Variants in KIF26B observed in about 807,000 individuals in gnomAD.
KIF26B encodes the protein kinesin-like protein KIF26B.
Under a neutral mutation model 151.2 loss-of-function variants are expected in KIF26B, and 63 were observed. That is an observed-to-expected ratio of 0.42 (90% CI 0.34 to 0.51). KIF26B has a LOEUF of 0.51. KIF26B is among the 20% of genes least tolerant of loss of function. KIF26B has a pLI of 0.07. For missense variants in KIF26B, 2,813 were observed against 2,913.6 expected (o/e 0.97, Z 0.79); for synonymous variants, 1,357 against 1,262.1 (o/e 1.08, Z -1.59).
chr1:245,677,830 C>T (rs547017647), intron 10 of KIF26B, among the ~76,000 whole-genome samples: 181 of 152,340 alleles, frequency 1.2e-3, no homozygotes, highest in Middle Eastern at 3.4e-3. Flanking sequence ...TTCAGTCTGG[C>T]GCAACTCAAC....
intron 2 of KIF26B, among the ~76,000 whole-genome samples, chr1:245,274,263 T>A (rs1670901760): frequency 6.6e-6 from 1 of 152,184 alleles, no homozygotes; most frequent in Admixed American, 6.5e-5. Context: ...CTGGGATACA[T>A]GTGCAGAACC....
At chr1:245,251,745 A>G (rs754075254) in intron 2 of KIF26B, among the ~76,000 whole-genome samples, 1 of 152,152 alleles carries the variant, frequency 6.6e-6, no homozygotes, top group Non-Finnish European at 1.5e-5. Context: ...TGTGTTATCT[A>G]TCTCTGAACT....
Position 245,698,153 on chromosome 1 carries a change from T to C in KIF26B, c.5872T>C (p.Ser1958Pro), listed in dbSNP as rs1379264893. Reference sequence around the variant, plus strand: ...CCCAGCACTATCCCTGGACACCTCTTCCCCTGTGAGAAAACCCCCCAACAG... The same window carrying C: ...CCCAGCACTATCCCTGGACACCTCTCCCCCTGTGAGAAAACCCCCCAACAG... ...LIPALSLDTS[S>P]PVRKPPNSTG... Residue 1958 changes from serine to proline, a missense_variant, in exon 13 of 15, where the codon TCC (serine) becomes CCC (proline). By Grantham distance (74) the Ser-to-Pro change is moderately conservative. Transcript: ENST00000407071. This position sits in a 1 kb window ranked among gnomAD's most constrained non-coding sequence, Gnocchi z 4.0. 2 of 1,613,956 alleles carry C rather than the reference T, an allele frequency of 1.2e-6. No homozygotes were observed. Among genetic ancestry groups the C allele is most frequent in the South Asian group, 2.2e-5 (2 of 91,076 alleles).
At chr1:245,366,351 T>A (rs1269044354) in intron 2 of KIF26B, among the ~76,000 whole-genome samples, 1 of 151,912 alleles carries the variant, frequency 6.6e-6, no homozygotes, top group East Asian at 1.9e-4. Context: ...TCTAACACAG[T>A]GAAACCCCAT....
intron 2 of KIF26B, among the ~76,000 whole-genome samples, chr1:245,219,460 C>T (rs182437029): frequency 6.6e-5 from 10 of 152,080 alleles, no homozygotes; most frequent in South Asian, 4.2e-4. Context: ...CAGCTAGGCG[C>T]GGTAGCTCAT....
intron 5 of KIF26B, among the ~76,000 whole-genome samples, chr1:245,550,861 T>A (rs1661865455): frequency 6.6e-6 from 1 of 152,140 alleles, no homozygotes; most frequent in Admixed American, 6.5e-5. Context: ...ACTCTCAGGT[T>A]TCTACAGGAA....
intron 4 of KIF26B, among the ~76,000 whole-genome samples, chr1:245,434,677 G>A (rs142310381): frequency 6.6e-6 from 1 of 152,138 alleles, no homozygotes; most frequent in South Asian, 2.1e-4. Flanking sequence ...GGTAAGACTG[G>A]CAGGAGTTGG....
rs1357793150 is a variant in KIF26B, at chr1:245,702,693, C to CAAAG, written c.*89_*92dup. 1 of 1,400,382 alleles carries CAAAG rather than the reference C, an allele frequency of 7.1e-7. No individual in the cohort carries two copies. Among genetic ancestry groups the CAAAG allele is most frequent in the Non-Finnish European group, 9.6e-7 (1 of 1,037,442 alleles). The allele number at this position is 1,400,382 out of a possible 1,614,324, so 86.7% of individuals were successfully genotyped here. A position where few individuals can be genotyped will look rare whatever the true frequency, so the allele number is the denominator to read the frequency against. ...CCCTAGGCCCTCTGTGCTGGGGCATCAAAGACAATGAATGAGGATGAAGGT... is the reference window on the plus strand; with the variant it reads ...CCCTAGGCCCTCTGTGCTGGGGCATCAAAGAAAGACAATGAATGAGGATGAAGGT... On this transcript the variant is annotated 3_prime_UTR_variant, in exon 15 of 15. Coordinates refer to ENST00000407071, the MANE Select transcript of KIF26B (RefSeq NM_018012.4). The surrounding 1 kb of genome is among the most constrained non-coding windows in gnomAD (Gnocchi z 4.1).
At chr1:245,238,671 C>T (rs1230847343) in intron 2 of KIF26B, among the ~76,000 whole-genome samples, 1 of 151,800 alleles carries the variant, frequency 6.6e-6, no homozygotes, top group Non-Finnish European at 1.5e-5. Flanking sequence ...GACCAGCCTG[C>T]CCAACATGGC....
At chr1:245,444,624 C>T (rs1209166078) in intron 4 of KIF26B, among the ~76,000 whole-genome samples, 5 of 152,192 alleles carry the variant, frequency 3.3e-5, no homozygotes, top group Non-Finnish European at 7.3e-5. Context: ...TGATGAGCCA[C>T]CTTCAAACCA....
At chr1:245,691,380 G>C (rs1426715928) in intron 12 of KIF26B, among the ~76,000 whole-genome samples, 1 of 152,200 alleles carries the variant, frequency 6.6e-6, no homozygotes, top group Non-Finnish European at 1.5e-5. Context: ...AAAATGCCAG[G>C]GCAGGTGCTA....
At chr1:245,529,645 C>T (rs1019886949) in intron 4 of KIF26B, among the ~76,000 whole-genome samples, 2 of 152,154 alleles carry the variant, frequency 1.3e-5, no homozygotes, top group African/African-American at 2.4e-5. Context: ...AGCAAACATT[C>T]GTAGTTACTT....
intron 4 of KIF26B, among the ~76,000 whole-genome samples, chr1:245,445,223 A>G (rs1659219852): frequency 6.6e-6 from 1 of 152,204 alleles, no homozygotes; most frequent in African/African-American, 2.4e-5. Flanking sequence ...CATGGTCATC[A>G]TGAATTATAG....
At chr1:245,663,934 G>A (rs2044184735) in intron 10 of KIF26B, among the ~76,000 whole-genome samples, 1 of 152,200 alleles carries the variant, frequency 6.6e-6, no homozygotes, top group African/African-American at 2.4e-5. Context: ...GTGTTACCTG[G>A]CTGGGCAGAT....
intron 2 of KIF26B, among the ~76,000 whole-genome samples, chr1:245,261,453 T>G (rs907579949): frequency 6.8e-6 from 1 of 146,308 alleles, no homozygotes; most frequent in African/African-American, 2.5e-5. Flanking sequence ...CTTGCTTGCT[T>G]GCTTTTTCTT....
intron 5 of KIF26B, among the ~76,000 whole-genome samples, chr1:245,599,978 A>G (rs1405839797): frequency 2.0e-5 from 3 of 151,932 alleles, no homozygotes. Flanking sequence ...AATCCCCCAC[A>G]GTATCCTGCT....
chr1:245,211,077 TC>T (rs1488700642), intron 2 of KIF26B, among the ~76,000 whole-genome samples: 3 of 152,174 alleles, frequency 2.0e-5, no homozygotes, highest in Non-Finnish European at 4.4e-5. Flanking sequence ...TTGTGATGTT[TC>T]CCAGCGATGG....
intron 5 of KIF26B, among the ~76,000 whole-genome samples, chr1:245,555,121 T>C (rs1661987833): frequency 6.6e-6 from 1 of 152,158 alleles, no homozygotes. Context: ...TGTTTCCTAG[T>C]CTTCTTTGAG....
intron 9 of KIF26B, among the ~76,000 whole-genome samples, chr1:245,617,518 G>A (rs2043604479): frequency 1.3e-5 from 2 of 152,160 alleles, no homozygotes. Flanking sequence ...GCAGATGTGG[G>A]AAAAGAGGCT....
Sources: allele counts gnomAD v4.1 joint callset (sites outside exome capture counted in the v4.1 genomes callset), GRCh38; gene constraint gnomAD v4.1.1; non-coding constraint Gnocchi (gnomAD v3.1); transcripts MANE v1.5; gene names NCBI Gene and HGNC (gene_info 2026-07-23, HGNC 2026-07-21).